The following ARHGEF26 variants were observed in gnomAD, a reference collection of about 807,000 sequenced individuals.
ARHGEF26 encodes the protein Rho guanine nucleotide exchange factor 26, also known as Rho guanine nucleotide exchange factor (GEF) 26.
ARHGEF26 carries 59 observed loss-of-function variants against 89.4 expected under a neutral mutation model. The observed-to-expected ratio is 0.66, with a 90% CI of 0.54 to 0.82. The LOEUF is 0.82. Among genes scored for constraint, ARHGEF26 ranks in the 40% least tolerant of loss-of-function variants. The pLI, the probability that ARHGEF26 is intolerant of heterozygous loss-of-function variation, is 0.00. For synonymous variants in ARHGEF26, 500 were observed against 428.4 expected (o/e 1.17, Z -2.06); for missense variants, 1,234 against 1,085.6 (o/e 1.14, Z -1.92).
chr3:154,129,002 C>T (rs939397308), intron 3 of ARHGEF26, among the ~76,000 whole-genome samples: 10 of 152,126 alleles, frequency 6.6e-5, no homozygotes, highest in Admixed American at 2.6e-4. Flanking sequence ...TTGTATTTCA[C>T]GTGCTAAGCT....
At chr3:154,124,596 A>T in intron 3 of ARHGEF26, 147 bp downstream of exon 3, 6 of 715,964 alleles carry the variant, frequency 8.4e-6, no homozygotes, top group Non-Finnish European at 1.1e-5. Flanking sequence ...GCTTCTCACT[A>T]AGCTAAATTT....
intron 5 of ARHGEF26, among the ~76,000 whole-genome samples, chr3:154,152,183 A>G (rs1419275684): frequency 1.3e-5 from 2 of 152,218 alleles, no homozygotes; most frequent in African/African-American, 2.4e-5. Context: ...GTATGAGTTT[A>G]TATAAAAGAA....
chr3:154,205,957 C>G (rs1714992409), intron 9 of ARHGEF26, among the ~76,000 whole-genome samples: 1 of 152,018 alleles, frequency 6.6e-6, no homozygotes, highest in African/African-American at 2.4e-5. Flanking sequence ...CTGTGTTTTT[C>G]TATGTATTTA....
intron 9 of ARHGEF26, among the ~76,000 whole-genome samples, chr3:154,210,288 T>A (rs1167385777): frequency 6.6e-6 from 1 of 152,084 alleles, no homozygotes; most frequent in African/African-American, 2.4e-5. Flanking sequence ...AGAGGCTGAC[T>A]CAGGGCCCTC....
chr3:154,194,517 C>G, intron 8 of ARHGEF26, 127 bp from the exon 9 acceptor site: 1 of 662,000 alleles, frequency 1.5e-6, no homozygotes, highest in African/African-American at 1.8e-5. Context: ...TAATATTATC[C>G]TCATACTCAT....
rs1718030389 is a variant in ARHGEF26, at chr3:154,122,531, C to T, written c.539C>T (p.Ala180Val). The change falls in exon 2 of 15, where the codon GCT becomes GTT. Residue 180 changes from alanine to valine, a missense_variant. Physicochemically the swap from Ala to Val is moderately conservative, Grantham distance 64. Transcript: ENST00000465093. Reference sequence around the variant, plus strand: ...TCGCCCACTGCAAATGGCCTTGCCGCTAATAACGACTCTCCTGGGTCAGGT... The same window carrying T: ...TCGCCCACTGCAAATGGCCTTGCCGTTAATAACGACTCTCCTGGGTCAGGT... Reference protein sequence around the residue: ...VPSPTANGLAANNDSPGSGSQ... With the variant: ...VPSPTANGLAVNNDSPGSGSQ... The T allele has an allele frequency of 1.2e-6, 2 of 1,613,508 alleles. 1 individual carries two copies. The highest frequency in any genetic ancestry group is 2.2e-5 in the South Asian group (2 of 91,080).
In ARHGEF26 at chr3:154,122,268, C is replaced by T; in HGVS notation, c.276C>T (p.Ala92=). Residue 92 remains alanine (A), a synonymous_variant, in exon 2 of 15, where the codon GCC becomes GCT. Transcript: ENST00000465093. ...TGGGCGCCCAGCGGAGAGCGGTGGC[C>T]AATGGTGGGACGGCATCCCCGGAGT... ...LLLGAQRRAV[A]NGGTASPEYR... The T allele has an allele frequency of 6.2e-7, 1 of 1,612,444 alleles. No homozygotes were observed. The highest frequency in any genetic ancestry group is 8.5e-7 in the Non-Finnish European group (1 of 1,179,688).
intron 12 of ARHGEF26, among the ~76,000 whole-genome samples, chr3:154,241,793 TGAAG>T (rs1219823330): frequency 3.3e-5 from 5 of 152,200 alleles, no homozygotes; most frequent in Non-Finnish European, 7.3e-5. Flanking sequence ...GGATTCTTGC[TGAAG>T]ACAGGCCAGG....
chr3:154,128,910 A>G (rs1423472272), intron 3 of ARHGEF26, among the ~76,000 whole-genome samples: 1 of 152,088 alleles, frequency 6.6e-6, no homozygotes, highest in Non-Finnish European at 1.5e-5. Flanking sequence ...TCAAAATACT[A>G]TCAAAGTTAT....
chr3:154,256,754 G>T lies in ARHGEF26; in HGVS notation c.*1281G>T, dbSNP rs1348584749. The T allele has an allele frequency of 1.4e-6, 2 of 1,425,660 alleles. No individual in the cohort carries two copies. Among genetic ancestry groups the T allele is most frequent in the Non-Finnish European group, 1.8e-6 (2 of 1,097,282 alleles). 88.3% of individuals were successfully genotyped at this position (1,425,660 alleles called of 1,614,324 possible). A position where few individuals can be genotyped will look rare whatever the true frequency, so the allele number is the denominator to read the frequency against. Reference sequence around the variant, plus strand: ...CAAGAAGTCAGCATGGTACCCAATTGAAACCTTTTGACCTTAGTGGGAATT... The same window carrying T: ...CAAGAAGTCAGCATGGTACCCAATTTAAACCTTTTGACCTTAGTGGGAATT... On this transcript the variant is annotated 3_prime_UTR_variant, in exon 15 of 15. Transcript: ENST00000465093.
chr3:154,195,110 A>G (rs1381799238), intron 9 of ARHGEF26, among the ~76,000 whole-genome samples: 2 of 152,240 alleles, frequency 1.3e-5, no homozygotes, highest in Admixed American at 1.3e-4. Flanking sequence ...GAGGGCAGAC[A>G]TTAAACAGAG....
intron 9 of ARHGEF26, among the ~76,000 whole-genome samples, chr3:154,215,045 A>T (rs758393337): frequency 6.6e-6 from 1 of 152,186 alleles, no homozygotes; most frequent in Non-Finnish European, 1.5e-5. Flanking sequence ...CATAAATTGG[A>T]TCATGTCATT....
At chr3:154,149,520 T>G (rs1044106424) in intron 5 of ARHGEF26, 75 bp downstream of exon 5, 11 of 1,290,744 alleles carry the variant, frequency 8.5e-6, no homozygotes, top group African/African-American at 1.5e-5. Context: ...TGTTTTCACT[T>G]ACTGTGTGCA....
At chr3:154,253,208 A>G in intron 13 of ARHGEF26, 25 bp downstream of exon 13, 1 of 1,613,768 alleles carries the variant, frequency 6.2e-7, no homozygotes, top group South Asian at 1.1e-5. Context: ...GGGGAAGCCC[A>G]CTTGGGAACA....
intron 13 of ARHGEF26, among the ~76,000 whole-genome samples, chr3:154,253,621 T>G (rs1718300872): frequency 6.6e-6 from 1 of 152,208 alleles, no homozygotes; most frequent in South Asian, 2.1e-4. Context: ...TGAAAAGTAT[T>G]TTTAATCTAA....
At chr3:154,215,832 T>G (rs1715687870) in intron 9 of ARHGEF26, among the ~76,000 whole-genome samples, 1 of 152,120 alleles carries the variant, frequency 6.6e-6, no homozygotes, top group African/African-American at 2.4e-5. Flanking sequence ...ATTATCACAT[T>G]GCCTCGTAAT....
chr3:154,237,328 G>A (rs1184632586), intron 11 of ARHGEF26, among the ~76,000 whole-genome samples: 1 of 152,052 alleles, frequency 6.6e-6, no homozygotes, highest in East Asian at 1.9e-4. Flanking sequence ...GATTACTTGA[G>A]GTCAAGAGTT....
chr3:154,208,708 C>T (rs1449394109), intron 9 of ARHGEF26, among the ~76,000 whole-genome samples: 2 of 149,910 alleles, frequency 1.3e-5, no homozygotes, highest in Admixed American at 6.7e-5. Context: ...TTTTCTTCTG[C>T]TTGACTAATT....
intron 9 of ARHGEF26, among the ~76,000 whole-genome samples, chr3:154,199,862 G>A (rs1714521214): frequency 6.6e-6 from 1 of 152,040 alleles, no homozygotes. Context: ...TATGTCTTTT[G>A]AGAAATGTCT....
Sources: allele counts gnomAD v4.1 joint callset (sites outside exome capture counted in the v4.1 genomes callset), GRCh38; gene constraint gnomAD v4.1.1; transcripts MANE v1.5; gene names NCBI Gene and HGNC (gene_info 2026-07-23, HGNC 2026-07-21).